EPG5: variants seen among roughly 807,000 people sequenced by gnomAD.
The protein encoded by EPG5 is ectopic P-granules 5 autophagy tethering factor.
A neutral mutation model predicts 302.7 loss-of-function variants in EPG5; 159 were observed. The ratio of observed to expected loss-of-function variants is 0.53; its 90% CI spans 0.46 to 0.60. EPG5 has a LOEUF of 0.60. Ranked by LOEUF, EPG5 falls within the 20% of genes least tolerant of loss-of-function variation. The pLI, the probability that EPG5 is intolerant of heterozygous loss-of-function variation, is 0.00. For missense variants in EPG5, 2,896 were observed against 3,092.4 expected (o/e 0.94, Z 1.51); for synonymous variants, 1,158 against 1,136.8 (o/e 1.02, Z -0.37).
intron 12 of EPG5, 104 bp downstream of exon 12, chr18:45,930,572 G>T: frequency 1.1e-6 from 1 of 888,772 alleles, no homozygotes; most frequent in Non-Finnish European, 1.7e-6. Context: ...GTAGACAGTA[G>T]CTAAATAAGT....
At chr18:45,891,971 G>A (rs1047223415) in intron 27 of EPG5, among the ~76,000 whole-genome samples, 15 of 152,152 alleles carry the variant, frequency 9.9e-5, no homozygotes, top group Non-Finnish European at 1.5e-4. Context: ...GCGTGTCACA[G>A]AATCCCCTGG....
the EPG5 span, among the ~76,000 whole-genome samples, chr18:45,819,701 C>T: frequency 2.0e-5 from 3 of 152,152 alleles, no homozygotes; most frequent in Admixed American, 6.5e-5. Context: ...TTCTAAAATG[C>T]TTGAATCAGC....
chr18:45,879,417 G>A (rs2049043477), intron 32 of EPG5, among the ~76,000 whole-genome samples: 1 of 152,184 alleles, frequency 6.6e-6, no homozygotes, highest in South Asian at 2.1e-4. Context: ...GCCTAGGCTG[G>A]AGTGCAGTGG....
chr18:45,816,401 C>T, the EPG5 span, among the ~76,000 whole-genome samples: 4 of 151,450 alleles, frequency 2.6e-5, no homozygotes, highest in Non-Finnish European at 4.4e-5. Flanking sequence ...ACTAATATCC[C>T]GAATCTACAA....
chr18:45,809,281 T>G, the EPG5 span, among the ~76,000 whole-genome samples: 1 of 152,092 alleles, frequency 6.6e-6, no homozygotes, highest in Non-Finnish European at 1.5e-5. Flanking sequence ...AGTGGGGGAC[T>G]TCAATACTAC....
intron 42 of EPG5, among the ~76,000 whole-genome samples, chr18:45,856,390 G>A (rs756186898): frequency 1.3e-5 from 2 of 152,188 alleles, no homozygotes; most frequent in Admixed American, 6.5e-5. Context: ...TAGAGACACG[G>A]GGATTAAAGG....
At chr18:45,907,614 A>G (rs1433079244) in intron 24 of EPG5, among the ~76,000 whole-genome samples, 1 of 152,152 alleles carries the variant, frequency 6.6e-6, no homozygotes, top group Non-Finnish European at 1.5e-5. Context: ...CTTACACTGC[A>G]TGTAAGAATG....
intron 20 of EPG5, 68 bp from the exon 21 acceptor site, chr18:45,913,896 A>G (rs2049968990): frequency 3.8e-6 from 6 of 1,563,812 alleles, no homozygotes; most frequent in Non-Finnish European, 5.2e-6. Flanking sequence ...ACATCCTGAT[A>G]TTCCACAATT....
the EPG5 span, among the ~76,000 whole-genome samples, chr18:45,836,389 T>C: frequency 6.6e-6 from 1 of 151,832 alleles, no homozygotes; most frequent in African/African-American, 2.4e-5. Flanking sequence ...AAAGATCCTT[T>C]TGTGAACTGC....
At position 45,872,469 on chromosome 18, in the gene EPG5, C is replaced by T. The variant is rs533299101; in HGVS notation, c.6050-1727G>A. On this transcript the variant is annotated intron_variant, in intron 35 of 43. Transcript: ENST00000282041. Reference sequence around the variant, plus strand: ...TTGCAATCCCGGCACTTTGGGAGGCCGAGGCAGGCAGATCACTTTAGGTCA... The same window carrying T: ...TTGCAATCCCGGCACTTTGGGAGGCTGAGGCAGGCAGATCACTTTAGGTCA... Among the ~76,000 whole-genome samples the T allele has an allele frequency of 8.5e-5, 13 of 152,242 alleles. No individual in the cohort carries two copies. In the South Asian group the frequency reaches 2.1e-3, roughly 24 times the overall value.
Position 45,917,762 on chromosome 18 carries a change from T to A in EPG5, c.3156A>T (p.Arg1052Ser), listed in dbSNP as rs777731844. The A allele has an allele frequency of 3.7e-6, 6 of 1,614,126 alleles. No homozygotes were observed. In the Admixed American group the frequency reaches 1.0e-4, roughly 27 times the overall value. The change falls in exon 17 of 44, where the codon AGA becomes AGT. Residue 1052 changes from arginine to serine, a missense_variant. By Grantham distance (110) the Arg-to-Ser change is moderately radical. Coordinates refer to ENST00000282041, the MANE Select transcript of EPG5 (RefSeq NM_020964.3). ...IPLLGILVQS[R>S]HLRTVVHVLD... is the part of the protein sequence containing the mutation. ...GGACATGAACCACTGTTCTCAAATG[T>A]CTTGACTGGACCAGAATTCCCAATA...
intron 6 of EPG5, among the ~76,000 whole-genome samples, chr18:45,947,177 G>A (rs1179263827): frequency 3.9e-5 from 6 of 152,194 alleles, no homozygotes; most frequent in Non-Finnish European, 8.8e-5. Context: ...CACTTTGGGA[G>A]GCTGATGGGG....
intron 13 of EPG5, among the ~76,000 whole-genome samples, chr18:45,926,983 G>C (rs897062323): frequency 6.6e-6 from 1 of 151,522 alleles, no homozygotes; most frequent in African/African-American, 2.4e-5. Flanking sequence ...TATATGAAAA[G>C]CTTTTTATCT....
At chr18:45,881,085 G>C (rs143529801) in intron 31 of EPG5, among the ~76,000 whole-genome samples, 44 of 152,326 alleles carry the variant, frequency 2.9e-4, no homozygotes, top group African/African-American at 9.4e-4. Flanking sequence ...GCTCCCAAGG[G>C]AACATCAACA....
chr18:45,910,895 T>C (rs1362757857), intron 22 of EPG5, among the ~76,000 whole-genome samples, 153 bp from the exon 23 acceptor site: 1 of 152,188 alleles, frequency 6.6e-6, no homozygotes, highest in Middle Eastern at 3.2e-3. Flanking sequence ...AAAGATTATT[T>C]TGATGGTCCA....
At position 45,946,753 on chromosome 18, in the gene EPG5, A is replaced by G; in HGVS notation, c.1587T>C (p.Phe529=). The change falls in exon 7 of 44, where the codon TTT becomes TTC. Residue 529 remains phenylalanine, a synonymous_variant. Transcript: ENST00000282041. ...LMSPVKNRAE[F]MCHMKPSERK... is the part of the protein sequence containing the mutation. ...GCTCGCTGGGCTTCATGTGGCACAT[A>G]AACTCAGCTCGATTTCTAAAGGACA... 1.9e-6 allele frequency: 3 copies of G among 1,614,210 alleles called. No individual in the cohort carries two copies. Among genetic ancestry groups the G allele is most frequent in the Non-Finnish European group, 2.5e-6 (3 of 1,180,020 alleles).
chr18:45,883,604 C>G (rs977738475), intron 30 of EPG5, among the ~76,000 whole-genome samples: 3 of 145,278 alleles, frequency 2.1e-5, no homozygotes, highest in African/African-American at 7.7e-5. Context: ...GGGAGTACCA[C>G]TAGCCTGGTG....
intron 39 of EPG5, among the ~76,000 whole-genome samples, chr18:45,865,214 C>CA (rs2048719722): frequency 6.6e-6 from 1 of 152,200 alleles, no homozygotes; most frequent in Admixed American, 6.5e-5. Context: ...CAGTTATCTT[C>CA]AGCAGGAGAG....
At chr18:45,812,429 T>C in the EPG5 span, among the ~76,000 whole-genome samples, 1 of 152,156 alleles carries the variant, frequency 6.6e-6, no homozygotes, top group Non-Finnish European at 1.5e-5. Flanking sequence ...TTAAAGTTCA[T>C]ATGGAACCAA....
Sources: gnomAD v4.1 joint callset for allele counts (sites outside exome capture counted in the v4.1 genomes callset) on GRCh38, gnomAD v4.1.1 for gene constraint, MANE v1.5 for transcripts, NCBI Gene and HGNC (gene_info 2026-07-23, HGNC 2026-07-21) for gene names.